The following SUMF1 variants were observed in gnomAD, a reference collection of about 807,000 sequenced individuals.
SUMF1 encodes formylglycine-generating enzyme.
Under a neutral mutation model 47.6 loss-of-function variants are expected in SUMF1, and 48 were observed. The observed-to-expected ratio is 1.01, with a 90% CI of 0.80 to 1.28. The LOEUF (loss-of-function observed/expected upper bound fraction) is 1.28, where lower values mean the gene tolerates loss of function less well. Among genes scored for constraint, SUMF1 ranks in the 50% most tolerant of loss-of-function variants. The probability of loss-of-function intolerance (pLI) is 0.00; values close to 1 mark genes in which losing one functional copy is unlikely to be tolerated. For synonymous variants in SUMF1, 230 were observed against 192.1 expected, an observed-to-expected ratio of 1.20 and a Z score of -1.63; for missense variants, 571 against 485.4, an observed-to-expected ratio of 1.18 and a Z score of -1.66.
intron 8 of SUMF1, among the ~76,000 whole-genome samples, chr3:4,100,244 C>T (rs1377696662): frequency 6.6e-6 from 1 of 151,414 alleles, no homozygotes; most frequent in Non-Finnish European, 1.5e-5. Flanking sequence ...CAATCGTGAC[C>T]AAAAAGAACA....
At chr3:4,417,984 C>A in intron 5 of SUMF1, 26 bp downstream of exon 5, 1 of 1,613,596 alleles carries the variant, frequency 6.2e-7, no homozygotes, top group Non-Finnish European at 8.5e-7. Flanking sequence ...AACATATTGT[C>A]AGGCAAAATG....
intron 8 of SUMF1, among the ~76,000 whole-genome samples, chr3:4,187,458 G>A (rs1007903140): frequency 6.6e-6 from 1 of 152,090 alleles, no homozygotes; most frequent in Admixed American, 6.6e-5. Flanking sequence ...TCAGAGGACT[G>A]TGGGCTTCTT....
At chr3:4,104,991 A>C (rs965174202) in intron 8 of SUMF1, among the ~76,000 whole-genome samples, 2 of 152,204 alleles carry the variant, frequency 1.3e-5, no homozygotes, top group Non-Finnish European at 1.5e-5. Context: ...TCTATCAACG[A>C]ATGCATAAAG....
intron 7 of SUMF1, among the ~76,000 whole-genome samples, chr3:4,384,973 C>T (rs1700626123): frequency 6.6e-6 from 1 of 151,362 alleles, no homozygotes; most frequent in Non-Finnish European, 1.5e-5. Context: ...CCAACCTCCA[C>T]CTCCCAGGTT....
intron 8 of SUMF1, among the ~76,000 whole-genome samples, chr3:4,201,727 T>A (rs1274779481): frequency 6.6e-6 from 1 of 152,010 alleles, no homozygotes; most frequent in African/African-American, 2.4e-5. Context: ...ATACTGTTTT[T>A]CATAGTGACT....
intron 9 of SUMF1, among the ~76,000 whole-genome samples, chr3:4,037,926 T>C (rs79661695): frequency 0.01 from 1,551 of 152,232 alleles, 27 homozygotes; most frequent in African/African-American, 0.035. Context: ...GGTTATGTTA[T>C]TGAGGTATTT....
At chr3:4,367,220 C>A (rs532654261) in intron 8 of SUMF1, among the ~76,000 whole-genome samples, 1 of 152,142 alleles carries the variant, frequency 6.6e-6, no homozygotes, top group Non-Finnish European at 1.5e-5. Flanking sequence ...TCTCCAGCTG[C>A]GTGCTGGGAG....
intron 8 of SUMF1, among the ~76,000 whole-genome samples, chr3:4,275,761 C>T (rs314416): frequency 0.5 from 75,650 of 151,954 alleles, 19,493 homozygotes; most frequent in East Asian, 0.87. Context: ...GAGTAGGTAA[C>T]CTACAATGTT....
intron 8 of SUMF1, among the ~76,000 whole-genome samples, chr3:4,374,040 G>T (rs182161440): frequency 6.6e-6 from 1 of 152,242 alleles, no homozygotes; most frequent in Admixed American, 6.5e-5. Context: ...TTCTCAAGCT[G>T]TAAAGGGCAT....
chr3:4,429,112 A>G (rs1388600841), intron 3 of SUMF1, among the ~76,000 whole-genome samples: 1 of 152,246 alleles, frequency 6.6e-6, no homozygotes, highest in East Asian at 1.9e-4. Context: ...ATGTTCAAAC[A>G]CCTTCATGTA....
At chr3:4,403,344 A>G (rs921059792) in intron 7 of SUMF1, among the ~76,000 whole-genome samples, 1 of 152,186 alleles carries the variant, frequency 6.6e-6, no homozygotes, top group Non-Finnish European at 1.5e-5. Context: ...CGAATAAAAA[A>G]AGGATAGCTC....
At chr3:4,186,682 T>C (rs577305001) in intron 8 of SUMF1, among the ~76,000 whole-genome samples, 1 of 152,258 alleles carries the variant, frequency 6.6e-6, no homozygotes, top group East Asian at 1.9e-4. Flanking sequence ...ACCCAAATTT[T>C]GGCTTGCATA....
chr3:4,362,253 G>C lies in SUMF1; in HGVS notation c.1016C>G (p.Ser339Cys), dbSNP rs970227738. 1.2e-6 allele frequency: 2 copies of C among 1,613,628 alleles called. No homozygotes were observed. Among genetic ancestry groups the C allele is most frequent in the South Asian group, 1.1e-5 (1 of 91,072 alleles). Residue 339 changes from serine (S) to cysteine (C), a missense_variant and splice_region_variant, in exon 9 of 9, where the codon TCT becomes TGT. By Grantham distance (112) the Ser-to-Cys change is moderately radical. Coordinates refer to ENST00000272902, the MANE Select transcript of SUMF1 (RefSeq NM_182760.4). ...AGCACAGCGATACCTGTAACAATAA[G>C]ACTGTGTAGAGAGAAAGAGCAAGGT... is the stretch of plus-strand genomic sequence containing the variant. ...KKGGSYMCHR[S>C]YCYRYRCAAR...
chr3:4,140,983 T>G (rs1233079083), intron 8 of SUMF1, among the ~76,000 whole-genome samples: 1 of 152,146 alleles, frequency 6.6e-6, no homozygotes, highest in Non-Finnish European at 1.5e-5. Context: ...TTCATGAGTT[T>G]TCACATGATA....
intron 9 of SUMF1, among the ~76,000 whole-genome samples, chr3:4,039,208 A>ATTTTTTTTTTTTTTTTTTT (rs1213784165): frequency 4.3e-5 from 2 of 46,178 alleles, no homozygotes; most frequent in Admixed American, 3.3e-4. Context: ...CATCTATGCA[A>ATTTTTTTTTTTTTTTTTTT]ATTTTTTTTT....
intron 8 of SUMF1, among the ~76,000 whole-genome samples, chr3:4,114,037 T>C (rs186464871): frequency 2.8e-4 from 42 of 152,240 alleles, no homozygotes; most frequent in Admixed American, 7.2e-4. Flanking sequence ...TCCCACTTCA[T>C]CTGTAGATTC....
intron 8 of SUMF1, among the ~76,000 whole-genome samples, chr3:4,287,443 T>C (rs1697655534): frequency 6.6e-6 from 1 of 152,148 alleles, no homozygotes; most frequent in African/African-American, 2.4e-5. Context: ...TCCTTACTAA[T>C]GGGATGTGTG....
intron 8 of SUMF1, among the ~76,000 whole-genome samples, chr3:4,217,366 G>A (rs1208789173): frequency 6.7e-6 from 1 of 148,832 alleles, no homozygotes; most frequent in Non-Finnish European, 1.5e-5. Context: ...GCCTGTCAGG[G>A]GGTGAGGGGT....
chr3:4,346,514 G>A (rs1454477758), intron 8 of SUMF1, among the ~76,000 whole-genome samples: 1 of 152,086 alleles, frequency 6.6e-6, no homozygotes, highest in East Asian at 1.9e-4. Context: ...GAATCTCTGG[G>A]ACACAGCTAA....
Sources: gnomAD v4.1 joint callset for allele counts (sites outside exome capture counted in the v4.1 genomes callset) on GRCh38, gnomAD v4.1.1 for gene constraint, MANE v1.5 for transcripts, NCBI Gene and HGNC (gene_info 2026-07-23, HGNC 2026-07-21) for gene names.